The following FRMD6 variants were observed in gnomAD, a reference collection of about 807,000 sequenced individuals.
The protein encoded by FRMD6 is FERM domain-containing protein 6.
FRMD6 carries 37 observed loss-of-function variants against 73.2 expected under a neutral mutation model. That is an observed-to-expected ratio of 0.51 (90% confidence interval 0.39 to 0.66). The LOEUF is 0.66. Ranked by LOEUF, FRMD6 falls within the 30% of genes least tolerant of loss-of-function variation. The probability of loss-of-function intolerance (pLI) is 0.00; values close to 1 mark genes in which losing one functional copy is unlikely to be tolerated. For missense variants in FRMD6, 714 were observed against 780.5 expected (o/e 0.91, Z 1.02); for synonymous variants, 273 against 282.2 (o/e 0.97, Z 0.33).
the FRMD6 span, among the ~76,000 whole-genome samples, chr14:51,444,077 T>C: frequency 7.9e-5 from 12 of 151,922 alleles, no homozygotes; most frequent in East Asian, 2.1e-3. Flanking sequence ...TACAGGCAAC[T>C]GACACCAAGC....
At chr14:51,664,855 A>C (rs1297674703) in intron 1 of FRMD6, among the ~76,000 whole-genome samples, 1 of 152,168 alleles carries the variant, frequency 6.6e-6, no homozygotes, top group Non-Finnish European at 1.5e-5. Context: ...GTTACAGTAC[A>C]GTTAGTTAGA....
At chr14:51,463,418 G>A in the FRMD6 span, among the ~76,000 whole-genome samples, 2 of 152,130 alleles carry the variant, frequency 1.3e-5, no homozygotes, top group African/African-American at 4.8e-5. Context: ...TTGGTGCATA[G>A]CAAATTCAAG....
At chr14:51,419,939 G>A in the FRMD6 span, among the ~76,000 whole-genome samples, 3 of 151,804 alleles carry the variant, frequency 2.0e-5, no homozygotes, top group East Asian at 1.9e-4. Context: ...TCCTGCCCTC[G>A]TTAGGTGTGG....
the FRMD6 span, among the ~76,000 whole-genome samples, chr14:51,405,347 G>A: frequency 2.0e-3 from 308 of 152,238 alleles, no homozygotes; most frequent in Admixed American, 5.7e-3. Context: ...TTAAGGAATT[G>A]CCATGCTACT....
chr14:51,587,146 T>C (rs1889094068), intron 2 of FRMD6, among the ~76,000 whole-genome samples: 1 of 152,246 alleles, frequency 6.6e-6, no homozygotes, highest in Non-Finnish European at 1.5e-5. Context: ...ATTTGTTGAA[T>C]AGGGTGTCAT....
chr14:51,614,045 G>T (rs1890617059), intron 2 of FRMD6, among the ~76,000 whole-genome samples: 2 of 152,100 alleles, frequency 1.3e-5, no homozygotes, highest in African/African-American at 4.8e-5. Flanking sequence ...GCCACATGCA[G>T]TAGTGACCAT....
intron 3 of FRMD6, among the ~76,000 whole-genome samples, chr14:51,699,178 T>C (rs925316335): frequency 1.3e-5 from 2 of 152,108 alleles, no homozygotes; most frequent in African/African-American, 4.8e-5. Context: ...CAGTTGCCTT[T>C]TTAGGAGAGG....
chr14:51,548,427 G>T (rs1886596518), intron 1 of FRMD6, among the ~76,000 whole-genome samples: 1 of 152,158 alleles, frequency 6.6e-6, no homozygotes, highest in Non-Finnish European at 1.5e-5. Flanking sequence ...TGGCTTTGCG[G>T]GTCTGCAGCA....
chr14:51,718,042 G>A (rs953416131), intron 10 of FRMD6, among the ~76,000 whole-genome samples: 5 of 152,214 alleles, frequency 3.3e-5, no homozygotes, highest in Non-Finnish European at 7.3e-5. Context: ...AAAGAGCACA[G>A]GCATGTTGAT....
At chr14:51,483,114 T>C in the FRMD6 span, among the ~76,000 whole-genome samples, 3 of 152,240 alleles carry the variant, frequency 2.0e-5, no homozygotes, top group Non-Finnish European at 4.4e-5. Context: ...CCTCTAGTGA[T>C]ACCAGTAACA....
At chr14:51,535,159 C>T (rs1280399994) in intron 1 of FRMD6, among the ~76,000 whole-genome samples, 2 of 152,084 alleles carry the variant, frequency 1.3e-5, no homozygotes, top group African/African-American at 2.4e-5. Context: ...TTCCAGGGTC[C>T]TCAAACCTTT....
At chr14:51,473,025 T>A in the FRMD6 span, among the ~76,000 whole-genome samples, 2 of 152,082 alleles carry the variant, frequency 1.3e-5, no homozygotes, top group Middle Eastern at 3.2e-3. Context: ...TCAAATGAGG[T>A]ATAATGAGCT....
intron 11 of FRMD6, 122 bp downstream of exon 11, chr14:51,720,512 CTTG>C: frequency 1.2e-6 from 1 of 813,804 alleles, no homozygotes; most frequent in Non-Finnish European, 2.0e-6. Context: ...GAAGAGGTGT[CTTG>C]TTGTCTTCCC....
intron 1 of FRMD6, among the ~76,000 whole-genome samples, chr14:51,556,748 C>A (rs533416812): frequency 6.6e-6 from 1 of 152,260 alleles, no homozygotes; most frequent in East Asian, 1.9e-4. Context: ...TTAGCCTTAT[C>A]CATCATTGAA....
the FRMD6 span, among the ~76,000 whole-genome samples, chr14:51,424,592 T>C: frequency 6.6e-6 from 1 of 152,192 alleles, no homozygotes; most frequent in South Asian, 2.1e-4. Context: ...TCCTCTCTTC[T>C]AAGGAGATGT....
At chr14:51,558,713 T>C (rs546538603) in intron 1 of FRMD6, among the ~76,000 whole-genome samples, 7 of 152,220 alleles carry the variant, frequency 4.6e-5, no homozygotes, top group Non-Finnish European at 8.8e-5. Context: ...TCAGTTACTA[T>C]ATAACATGTG....
chr14:51,523,736 CT>C (rs1373797909), intron 1 of FRMD6, among the ~76,000 whole-genome samples: 2 of 152,164 alleles, frequency 1.3e-5, no homozygotes, highest in Admixed American at 1.3e-4. Context: ...CCTCTAGCAC[CT>C]AAGTCTTACT....
intron 1 of FRMD6, among the ~76,000 whole-genome samples, chr14:51,684,862 CA>C (rs1280777943): frequency 6.6e-6 from 1 of 152,160 alleles, no homozygotes; most frequent in Non-Finnish European, 1.5e-5. Flanking sequence ...GGAGATTAAG[CA>C]AAATATGTAG....
chr14:51,603,680 A>G (rs1456337013), intron 2 of FRMD6, among the ~76,000 whole-genome samples: 2 of 152,178 alleles, frequency 1.3e-5, no homozygotes. Flanking sequence ...TGGGGTTGAG[A>G]AACCAAGACT....
Sources: allele counts gnomAD v4.1 joint callset (sites outside exome capture counted in the v4.1 genomes callset), GRCh38; gene constraint gnomAD v4.1.1; transcripts MANE v1.5; gene names NCBI Gene and HGNC (gene_info 2026-07-23, HGNC 2026-07-21).